MSI2: variants seen among roughly 807,000 people sequenced by gnomAD.
MSI2 encodes the protein musashi RNA binding protein 2.
MSI2 carries 17 observed loss-of-function variants against 45.6 expected under a neutral mutation model. That is an observed-to-expected ratio of 0.37 (90% CI 0.26 to 0.56). The LOEUF (loss-of-function observed/expected upper bound fraction) is 0.56. Among genes scored for constraint, MSI2 ranks in the 20% least tolerant of loss-of-function variants. MSI2 has a pLI of 0.77. For synonymous variants in MSI2, 156 were observed against 158.2 expected, an observed-to-expected ratio of 0.99 and a Z score of 0.11; for missense variants, 293 against 444.2, an observed-to-expected ratio of 0.66 and a Z score of 3.06.
At chr17:57,490,892 G>T (rs866337748) in intron 6 of MSI2, among the ~76,000 whole-genome samples, 41 of 152,028 alleles carry the variant, frequency 2.7e-4, no homozygotes, top group African/African-American at 9.7e-4. Context: ...CTTCCCCTCT[G>T]TTTTTTTCTT....
rs532568267 is a variant in MSI2 at position 57,464,822 on chromosome 17, C to T, written c.405+63351C>T. On this transcript the variant is annotated intron_variant, in intron 6 of 13. Transcript: ENST00000284073. ...TCAGCTTGGCCAGAAGACGTCTGAC[C>T]TTACCAAAAAGTCCTTGGTTCTGAG... 4.6e-5 allele frequency among the ~76,000 whole-genome samples: 7 copies of T among 152,318 alleles called. No homozygotes were observed. The South Asian group carries it at 8.3e-4, about 18-fold the overall frequency.
intron 10 of MSI2, among the ~76,000 whole-genome samples, chr17:57,636,990 A>C (rs1344664969): frequency 6.6e-6 from 1 of 152,170 alleles, no homozygotes; most frequent in Admixed American, 6.5e-5. Context: ...CTGTCAAGAA[A>C]AGCCCTCCTG....
intron 6 of MSI2, among the ~76,000 whole-genome samples, chr17:57,456,995 A>C (rs1448656476): frequency 6.6e-6 from 1 of 152,164 alleles, no homozygotes; most frequent in Non-Finnish European, 1.5e-5. Context: ...GGAGAAAGGA[A>C]GGAGAAGTTT....
chr17:57,530,232 C>T (rs2086793561), intron 7 of MSI2, among the ~76,000 whole-genome samples: 1 of 152,280 alleles, frequency 6.6e-6, no homozygotes, highest in South Asian at 2.1e-4. Flanking sequence ...GGCATCTGTA[C>T]TTAATTGTGT....
intron 6 of MSI2, chr17:57,432,743 G>C (rs117103953): frequency 1.3e-5 from 2 of 152,624 alleles, no homozygotes; most frequent in East Asian, 3.9e-4. Context: ...CCCTGTCTAG[G>C]AGAAGAATGG....
intron 7 of MSI2, among the ~76,000 whole-genome samples, chr17:57,595,916 C>T (rs1393497041): frequency 6.6e-6 from 1 of 152,192 alleles, no homozygotes; most frequent in Non-Finnish European, 1.5e-5. Flanking sequence ...AAAGTAGATG[C>T]ACAGTGAGAA....
intron 5 of MSI2, among the ~76,000 whole-genome samples, chr17:57,284,637 T>C (rs536379679): frequency 1.1e-4 from 17 of 152,360 alleles, no homozygotes; most frequent in South Asian, 8.3e-4. Context: ...ATTAAAATGT[T>C]GTAGGAGACT....
intron 6 of MSI2, among the ~76,000 whole-genome samples, chr17:57,495,668 A>G (rs540442946): frequency 6.6e-6 from 1 of 151,622 alleles, no homozygotes; most frequent in Non-Finnish European, 1.5e-5. Flanking sequence ...ACAGCCTTCA[A>G]CCTTTGTGGC....
chr17:57,379,481 C>CT (rs78899938), intron 5 of MSI2, among the ~76,000 whole-genome samples: 1,874 of 134,726 alleles, frequency 0.014, 10 homozygotes, highest in African/African-American at 0.018. Flanking sequence ...TTTCTTTCTT[C>CT]TTTTTTTTTT....
At chr17:57,388,090 A>G (rs915915630) in intron 5 of MSI2, among the ~76,000 whole-genome samples, 2 of 152,160 alleles carry the variant, frequency 1.3e-5, no homozygotes, top group African/African-American at 4.8e-5. Flanking sequence ...AAAATCTTCA[A>G]ATCTGATGCT....
intron 7 of MSI2, among the ~76,000 whole-genome samples, chr17:57,533,117 C>A (rs1169932514): frequency 6.6e-6 from 1 of 152,222 alleles, no homozygotes; most frequent in African/African-American, 2.4e-5. Flanking sequence ...CCCCACTGGT[C>A]ACCTCCTGTC....
In MSI2 at chr17:57,611,605, G is replaced by A. The variant is rs146637284; in HGVS notation, c.538-4365G>A. ...TGTGAGTCCCAAGGCTAGGTTAGAA[G>A]AAGCCTTGCAGCTTCTGCCTGAGTC... On this transcript the variant is annotated intron_variant, in intron 8 of 13. Transcript: ENST00000284073. Among the ~76,000 whole-genome samples, 60 of 97,266 alleles carry A rather than the reference G, an allele frequency of 6.2e-4. 19 individuals are homozygous for A. The highest frequency in any genetic ancestry group is 1.7e-3 in the African/African-American group (52 of 31,418). The allele number at this position is 97,266 out of a possible 152,430, so 63.8% of individuals were successfully genotyped here. A position where few individuals can be genotyped will look rare whatever the true frequency, so the allele number is the denominator to read the frequency against.
chr17:57,678,651 A>G (rs768543322), intron 13 of MSI2, among the ~76,000 whole-genome samples: 1 of 145,248 alleles, frequency 6.9e-6, no homozygotes, highest in Non-Finnish European at 1.5e-5. Context: ...CCCCAAGGCC[A>G]CTAAAGCCTT....
In MSI2 at chr17:57,472,607, G is replaced by A. The variant is rs185766927; in HGVS notation, c.406-57069G>A. ...CTGCCAACTGGCCTCATGACCTTGA[G>A]CAAGCCCCTTAATGTTTCTGAGCTT... is the stretch of plus-strand genomic sequence containing the variant. On this transcript the variant is annotated intron_variant, in intron 6 of 13. Transcript: ENST00000284073. Among the ~76,000 whole-genome samples, 10 of 152,320 alleles carry A rather than the reference G, an allele frequency of 6.6e-5. No homozygotes were observed. In the East Asian group the frequency reaches 1.9e-3, roughly 29 times the overall value.
intron 7 of MSI2, among the ~76,000 whole-genome samples, chr17:57,554,774 A>G (rs1555623120): frequency 1.3e-5 from 2 of 152,260 alleles, no homozygotes; most frequent in Non-Finnish European, 2.9e-5. Context: ...CCATGGACAC[A>G]CAGCCAATGA....
chr17:57,578,246 A>G (rs1223770669), intron 7 of MSI2, among the ~76,000 whole-genome samples: 1 of 152,140 alleles, frequency 6.6e-6, no homozygotes, highest in Non-Finnish European at 1.5e-5. Flanking sequence ...GACATGATCT[A>G]ATGGGTTTAC....
intron 6 of MSI2, among the ~76,000 whole-genome samples, chr17:57,524,377 G>A (rs1461008601): frequency 2.6e-5 from 4 of 152,226 alleles, no homozygotes; most frequent in Non-Finnish European, 4.4e-5. Flanking sequence ...CCATAGACCT[G>A]TGTGAGTTGT....
intron 5 of MSI2, among the ~76,000 whole-genome samples, chr17:57,310,753 C>T (rs931276201): frequency 1.4e-4 from 22 of 152,190 alleles, no homozygotes; most frequent in African/African-American, 5.1e-4. Flanking sequence ...TAATGAGTGC[C>T]TCACTTGACT....
intron 6 of MSI2, among the ~76,000 whole-genome samples, chr17:57,424,289 G>C (rs118024143): frequency 0.035 from 5,388 of 152,286 alleles, 112 homozygotes; most frequent in Middle Eastern, 0.085. Flanking sequence ...GGATGAGGAG[G>C]GAAAAATCAG....
Sources: gnomAD v4.1 joint callset for allele counts (sites outside exome capture counted in the v4.1 genomes callset) on GRCh38, gnomAD v4.1.1 for gene constraint, MANE v1.5 for transcripts, NCBI Gene and HGNC (gene_info 2026-07-23, HGNC 2026-07-21) for gene names.